CHID1: variants seen among roughly 807,000 people sequenced by gnomAD.
CHID1 encodes the protein chitinase domain containing 1.
In CHID1, 44 loss-of-function variants were observed where a neutral mutation model predicts 55.4. That is an observed-to-expected ratio of 0.79 (90% CI 0.62 to 1.02). CHID1 has a LOEUF of 1.02. CHID1 is among the 50% of genes least tolerant of loss of function. The probability of loss-of-function intolerance (pLI) is 0.00; values close to 1 mark genes in which losing one functional copy is unlikely to be tolerated. For synonymous variants in CHID1, 216 were observed against 212.9 expected (o/e 1.01, Z -0.13); for missense variants, 491 against 515.3 (o/e 0.95, Z 0.46).
chr11:870,005 C>A, intron 12 of CHID1, 49 bp from the exon 13 acceptor site: 1 of 1,608,030 alleles, frequency 6.2e-7, no homozygotes, highest in Admixed American at 1.7e-5. Context: ...GTCCCCCCAA[C>A]ACCCAGGGAT....
intron 8 of CHID1, among the ~76,000 whole-genome samples, chr11:889,393 C>T (rs1323343408): frequency 1.3e-5 from 2 of 152,134 alleles, no homozygotes; most frequent in Admixed American, 6.5e-5. Flanking sequence ...CTGTAGTTGA[C>T]GCCAGGCAAA....
chr11:897,309 T>A (rs1268450300), intron 7 of CHID1, among the ~76,000 whole-genome samples: 1 of 152,174 alleles, frequency 6.6e-6, no homozygotes, highest in East Asian at 1.9e-4. Flanking sequence ...GACAAGAGGC[T>A]ATCTCCTGAG....
At chr11:890,295 G>A (rs902640800) in intron 8 of CHID1, among the ~76,000 whole-genome samples, 1 of 152,270 alleles carries the variant, frequency 6.6e-6, no homozygotes, top group Non-Finnish European at 1.5e-5. Flanking sequence ...CGGGCAAGAG[G>A]CAGGTGGGCG....
At chr11:914,721 CAAAA>C (rs367978475), upstream of CHID1, 24 of 283,496 alleles carry the variant, frequency 8.5e-5, no homozygotes, top group East Asian at 1.4e-4. Context: ...GACCCTGTCT[CAAAA>C]AAAAAAAAAA....
chr11:914,625 C>T (rs888944596), upstream of CHID1: 35 of 1,220,096 alleles, frequency 2.9e-5, no homozygotes, highest in Admixed American at 2.3e-5. Context: ...CCCAGCACTT[C>T]GGGAGGCTGA....
intron 1 of CHID1, among the ~76,000 whole-genome samples, chr11:907,059 T>C (rs1852279747): frequency 6.6e-6 from 1 of 152,120 alleles, no homozygotes; most frequent in Non-Finnish European, 1.5e-5. Flanking sequence ...AAAAAATAAA[T>C]GAGCAGGCTA....
Position 869,794 on chromosome 11 carries a change from C to T in CHID1, c.*64G>A. 6 of 1,440,742 alleles carry T rather than the reference C, an allele frequency of 4.2e-6. No homozygotes were observed. Among genetic ancestry groups the T allele is most frequent in the Non-Finnish European group, 5.9e-6 (6 of 1,023,938 alleles). The allele number at this position is 1,440,742 out of a possible 1,614,324, so 89.2% of individuals were successfully genotyped here. ...AAACGGAGTGGAGGCCTGTATTTCA[C>T]ACCTGCTCACTCACTCCATGGCTTA... On this transcript the variant is annotated 3_prime_UTR_variant, in exon 13 of 13. Coordinates refer to ENST00000323578, the MANE Select transcript of CHID1 (RefSeq NM_023947.4).
intron 8 of CHID1, among the ~76,000 whole-genome samples, chr11:891,096 G>T (rs1045503966): frequency 1.1e-4 from 16 of 146,624 alleles, no homozygotes; most frequent in African/African-American, 3.8e-4. Flanking sequence ...AGTGGGATGG[G>T]GGAAGGATAA....
chr11:876,453 G>A (rs765208158), intron 10 of CHID1, among the ~76,000 whole-genome samples: 16 of 152,162 alleles, frequency 1.1e-4, no homozygotes, highest in African/African-American at 2.4e-4. Context: ...CTGCGAACAC[G>A]GCCCCTCCAC....
At chr11:903,766 A>C (rs1350052265) in intron 2 of CHID1, 1 of 195,274 alleles carries the variant, frequency 5.1e-6, no homozygotes, top group African/African-American at 2.4e-5. Context: ...GGGCAACAAG[A>C]GCAAAACTTC....
chr11:880,806 A>G (rs1253961788), intron 10 of CHID1, among the ~76,000 whole-genome samples: 2 of 152,252 alleles, frequency 1.3e-5, no homozygotes, highest in Admixed American at 1.3e-4. Flanking sequence ...CCTCCACAAA[A>G]AGGACCAGGT....
chr11:884,188 G>A lies in CHID1; in HGVS notation c.702-19C>T. The A allele has an allele frequency of 1.2e-6, 2 of 1,602,026 alleles. No individual in the cohort carries two copies. The highest frequency in any genetic ancestry group is 1.7e-6 in the Non-Finnish European group (2 of 1,169,754). On this transcript the variant is annotated intron_variant, in intron 8 of 12. Coordinates refer to ENST00000323578, the MANE Select transcript of CHID1 (RefSeq NM_023947.4). ...GTCGGTCCTGTAACAGACAGGTGCAGCCACCTCAGGCTGCTATGCCCTGCC... is the reference window on the plus strand; with the variant it reads ...GTCGGTCCTGTAACAGACAGGTGCAACCACCTCAGGCTGCTATGCCCTGCC...
At chr11:904,659 C>T in intron 2 of CHID1, 47 bp downstream of exon 2, 2 of 1,604,160 alleles carry the variant, frequency 1.2e-6, no homozygotes, top group Non-Finnish European at 1.7e-6. Flanking sequence ...GATGATGGAT[C>T]AGCCCTCAGC....
intron 1 of CHID1, among the ~76,000 whole-genome samples, chr11:909,778 G>T (rs1256297899): frequency 6.6e-6 from 1 of 152,166 alleles, no homozygotes; most frequent in Non-Finnish European, 1.5e-5. Flanking sequence ...AGGAGTTTTT[G>T]ACTGGTTTTG....
intron 1 of CHID1, among the ~76,000 whole-genome samples, chr11:907,771 G>T (rs1320547397): frequency 1.2e-4 from 18 of 152,084 alleles, no homozygotes; most frequent in Admixed American, 1.2e-3. Context: ...TGGGTCACAG[G>T]CTCCTGAGTA....
intron 8 of CHID1, among the ~76,000 whole-genome samples, chr11:891,498 C>A (rs901699444): frequency 2.0e-5 from 3 of 152,310 alleles, no homozygotes; most frequent in South Asian, 4.2e-4. Context: ...GAGGCTGCCA[C>A]CAGCAGAAGA....
chr11:879,467 C>T (rs2134148791), intron 10 of CHID1, among the ~76,000 whole-genome samples: 1 of 152,402 alleles, frequency 6.6e-6, no homozygotes, highest in Admixed American at 6.5e-5. Context: ...GAAGAGGACA[C>T]AGGCGCACAT....
At chr11:885,239 GT>G (rs1469858243) in intron 8 of CHID1, among the ~76,000 whole-genome samples, 1 of 152,178 alleles carries the variant, frequency 6.6e-6, no homozygotes, top group Non-Finnish European at 1.5e-5. Flanking sequence ...TGGGGCTTCT[GT>G]CAGGGGCTTG....
chr11:903,571 A>G, intron 2 of CHID1: 1 of 215,626 alleles, frequency 4.6e-6, no homozygotes. Flanking sequence ...ACCTGAGATC[A>G]GGAGTTGGAG....
Sources: allele counts gnomAD v4.1 joint callset (sites outside exome capture counted in the v4.1 genomes callset), GRCh38; gene constraint gnomAD v4.1.1; transcripts MANE v1.5; gene names NCBI Gene and HGNC (gene_info 2026-07-23, HGNC 2026-07-21).